BBS2: variants seen among roughly 807,000 people sequenced by gnomAD.
The protein encoded by BBS2 is BBSome complex member BBS2.
In BBS2, 62 loss-of-function variants were observed where a neutral mutation model predicts 83.0. The observed-to-expected ratio is 0.75, with a 90% CI of 0.61 to 0.92. The LOEUF (loss-of-function observed/expected upper bound fraction) is 0.92, where lower values mean the gene tolerates loss of function less well. Ranked by LOEUF, BBS2 falls within the 40% of genes least tolerant of loss-of-function variation. BBS2 has a pLI of 0.00. For missense variants in BBS2, 784 were observed against 901.0 expected, an observed-to-expected ratio of 0.87 and a Z score of 1.66; for synonymous variants, 303 against 326.1, an observed-to-expected ratio of 0.93 and a Z score of 0.76.
chr16:56,499,497 C>T, intron 12 of BBS2: 1 of 385,784 alleles, frequency 2.6e-6, no homozygotes, highest in South Asian at 2.2e-5. Flanking sequence ...AATACTACAC[C>T]AGGACAACCA....
chr16:56,493,037 G>C (rs1400143118), intron 15 of BBS2, among the ~76,000 whole-genome samples: 1 of 152,028 alleles, frequency 6.6e-6, no homozygotes, highest in Non-Finnish European at 1.5e-5. Flanking sequence ...AGACAAATGA[G>C]ATGTATTTCT....
chr16:56,510,969 A>G, intron 3 of BBS2, 48 bp from the exon 4 acceptor site: 1 of 1,600,818 alleles, frequency 6.2e-7, no homozygotes, highest in Non-Finnish European at 8.6e-7. Flanking sequence ...TTCTCCATTT[A>G]CTCCAAATAT....
intron 15 of BBS2, among the ~76,000 whole-genome samples, chr16:56,489,891 C>A (rs1439247466): frequency 6.6e-6 from 1 of 151,772 alleles, no homozygotes; most frequent in Admixed American, 6.6e-5. Flanking sequence ...TGACAGGCCA[C>A]GGCAGGCAGA....
intron 1 of BBS2, among the ~76,000 whole-genome samples, chr16:56,518,134 T>C (rs1964804499): frequency 6.6e-6 from 1 of 152,082 alleles, no homozygotes; most frequent in Non-Finnish European, 1.5e-5. Flanking sequence ...GACTTCTAAC[T>C]GTAACAATAA....
At chr16:56,474,598 G>T (rs1430496538) in intron 17 of BBS2, among the ~76,000 whole-genome samples, 1 of 152,018 alleles carries the variant, frequency 6.6e-6, no homozygotes, top group Non-Finnish European at 1.5e-5. Flanking sequence ...GGGATTACAG[G>T]CATGAGCCAC....
intron 5 of BBS2, among the ~76,000 whole-genome samples, chr16:56,508,634 A>G (rs1359411329): frequency 6.7e-6 from 1 of 150,116 alleles, no homozygotes; most frequent in Non-Finnish European, 1.5e-5. Flanking sequence ...AACTCTTAAC[A>G]CTGTTACTTC....
At chr16:56,515,856 A>T (rs1401768364) in intron 1 of BBS2, among the ~76,000 whole-genome samples, 1 of 152,170 alleles carries the variant, frequency 6.6e-6, no homozygotes, top group African/African-American at 2.4e-5. Context: ...GGAAGAGTTA[A>T]GGCCCTTTGC....
intron 15 of BBS2, among the ~76,000 whole-genome samples, chr16:56,490,046 G>C (rs1487475081): frequency 6.6e-6 from 1 of 151,900 alleles, no homozygotes; most frequent in African/African-American, 2.4e-5. Context: ...GAGCCCAGGA[G>C]ATCGAGGCTG....
intron 15 of BBS2, among the ~76,000 whole-genome samples, chr16:56,490,112 TCACACACACACACACGCACACA>T (rs1373235207): frequency 5.1e-5 from 7 of 138,004 alleles, no homozygotes; most frequent in Admixed American, 4.4e-4. Context: ...AGACCCTATC[TCACACACACACACACGCACACA>T]CACACACACA....
At chr16:56,476,083 G>A (rs1327873165) in intron 17 of BBS2, 1 of 1,613,652 alleles carries the variant, frequency 6.2e-7, no homozygotes, top group African/African-American at 1.3e-5. Context: ...TTTGGCATTG[G>A]TCTACAGAGA....
chr16:56,477,227 T>G (rs1173109590), intron 17 of BBS2: 2 of 152,244 alleles, frequency 1.3e-5, no homozygotes, highest in Non-Finnish European at 2.9e-5. Context: ...ATCCTGATCA[T>G]GCTGGGCCTT....
intron 2 of BBS2, among the ~76,000 whole-genome samples, chr16:56,513,371 T>C (rs1388037502): frequency 1.3e-5 from 2 of 152,184 alleles, no homozygotes; most frequent in Non-Finnish European, 2.9e-5. Context: ...ATAACGGGTA[T>C]GTAGTAACTT....
intron 15 of BBS2, among the ~76,000 whole-genome samples, chr16:56,490,975 A>G (rs1031143653): frequency 5.9e-5 from 9 of 151,806 alleles, no homozygotes; most frequent in African/African-American, 1.9e-4. Flanking sequence ...GTTAGTCAGG[A>G]CGGTCTCGAT....
At chr16:56,471,980 G>A (rs1365886189) in intron 17 of BBS2, among the ~76,000 whole-genome samples, 1 of 141,812 alleles carries the variant, frequency 7.1e-6, no homozygotes, top group African/African-American at 2.7e-5. Flanking sequence ...TGTTTGTTTT[G>A]AGACACGGTC....
intron 12 of BBS2, 162 bp from the exon 13 acceptor site, chr16:56,498,730 C>T: frequency 6.6e-7 from 1 of 1,510,294 alleles, no homozygotes; most frequent in Non-Finnish European, 8.8e-7. Context: ...AATTATACTT[C>T]ATCCCACACC....
chr16:56,501,854 T>C, intron 9 of BBS2: 3 of 370,346 alleles, frequency 8.1e-6, no homozygotes, highest in South Asian at 7.7e-5. Flanking sequence ...TTCAGCCAGT[T>C]TGCTGTATGC....
intron 9 of BBS2, chr16:56,501,868 C>T: frequency 2.7e-6 from 1 of 365,334 alleles, no homozygotes; most frequent in Non-Finnish European, 5.2e-6. Context: ...TGTATGCACA[C>T]ACACAGTTTT....
intron 17 of BBS2, among the ~76,000 whole-genome samples, chr16:56,472,243 T>C (rs1160653986): frequency 1.3e-5 from 2 of 152,166 alleles, no homozygotes; most frequent in Non-Finnish European, 2.9e-5. Context: ...GTGCAGTGAT[T>C]ACAAGCGTGA....
intron 11 of BBS2, chr16:56,500,632 A>C: frequency 3.8e-6 from 2 of 521,020 alleles, no homozygotes; most frequent in South Asian, 4.4e-5. Flanking sequence ...CTCAAAAAAA[A>C]AAAAAAAAAA....
Sources: gnomAD v4.1 joint callset for allele counts (sites outside exome capture counted in the v4.1 genomes callset) on GRCh38, gnomAD v4.1.1 for gene constraint, MANE v1.5 for transcripts, NCBI Gene and HGNC (gene_info 2026-07-23, HGNC 2026-07-21) for gene names.